The following C10orf90 variants were observed in gnomAD, a reference collection of about 807,000 sequenced individuals.
C10orf90 encodes chromosome 10 open reading frame 90.
A neutral mutation model predicts 62.5 loss-of-function variants in C10orf90; 56 were observed. That is an observed-to-expected ratio of 0.90 (90% CI 0.72 to 1.12). C10orf90 has a LOEUF of 1.12. Among genes scored for constraint, C10orf90 ranks in the 50% most tolerant of loss-of-function variants. C10orf90 has a pLI of 0.00. For synonymous variants in C10orf90, 386 were observed against 340.4 expected (o/e 1.13, Z -1.47); for missense variants, 970 against 880.4 (o/e 1.10, Z -1.29).
chr10:126,607,310 G>C (rs944952289), intron 2 of C10orf90, among the ~76,000 whole-genome samples: 3 of 152,184 alleles, frequency 2.0e-5, no homozygotes, highest in African/African-American at 7.2e-5. Flanking sequence ...GTGATGCGTT[G>C]GCTGTGTTGA....
intron 2 of C10orf90, among the ~76,000 whole-genome samples, chr10:126,619,832 G>T (rs368008870): frequency 1.3e-5 from 2 of 152,102 alleles, no homozygotes; most frequent in South Asian, 4.2e-4. Flanking sequence ...GTAGAGACGG[G>T]GTTTTGCCAT....
At chr10:126,490,056 T>TA (rs1861668713) in intron 4 of C10orf90, among the ~76,000 whole-genome samples, 1 of 80,408 alleles carries the variant, frequency 1.2e-5, no homozygotes, top group African/African-American at 4.6e-5. Flanking sequence ...TATATTATGT[T>TA]ATATAATATA....
chr10:126,585,302 A>C (rs1223233576), intron 2 of C10orf90, among the ~76,000 whole-genome samples: 2 of 131,986 alleles, frequency 1.5e-5, no homozygotes, highest in African/African-American at 5.7e-5. Flanking sequence ...CAAGCAAGCA[A>C]GCAGAGGGAG....
chr10:126,565,092 T>TTA (rs754441387), intron 2 of C10orf90, among the ~76,000 whole-genome samples: 370 of 11,538 alleles, frequency 0.032, 90 homozygotes, highest in Non-Finnish European at 0.043. Context: ...AAAATATATA[T>TTA]TATATAATAT....
At chr10:126,498,132 G>T (rs1429773252) in intron 4 of C10orf90, among the ~76,000 whole-genome samples, 1 of 152,204 alleles carries the variant, frequency 6.6e-6, no homozygotes, top group Non-Finnish European at 1.5e-5. Context: ...CCACCAGCCA[G>T]CAGCAGAAAG....
intron 7 of C10orf90, among the ~76,000 whole-genome samples, chr10:126,432,318 A>G (rs934153807): frequency 3.3e-5 from 5 of 152,208 alleles, no homozygotes; most frequent in Non-Finnish European, 5.9e-5. Context: ...TCCATTTCCC[A>G]TGAGACCAAT....
intron 2 of C10orf90, among the ~76,000 whole-genome samples, chr10:126,579,179 C>T (rs7086861): frequency 0.024 from 3,661 of 152,104 alleles, 140 homozygotes; most frequent in African/African-American, 0.082. Flanking sequence ...GCAGGGGCCA[C>T]CAGGTCAGCC....
chr10:126,637,100 T>C (rs1845966901), intron 2 of C10orf90, among the ~76,000 whole-genome samples: 1 of 152,190 alleles, frequency 6.6e-6, no homozygotes, highest in Admixed American at 6.5e-5. Context: ...AAATAATGCA[T>C]AAGCCCAACT....
chr10:126,515,504 G>A (rs1034355006), intron 2 of C10orf90, among the ~76,000 whole-genome samples: 6 of 152,218 alleles, frequency 3.9e-5, no homozygotes, highest in African/African-American at 7.2e-5. Context: ...ACAGTATTCA[G>A]CACAGTCACA....
chr10:126,464,520 G>A lies in C10orf90; in HGVS notation c.1825+176C>T, dbSNP rs1860169726. Reference sequence around the variant, plus strand: ...CGACCCACATAGGGCTGCCTCCTGGGTGCTTGGGAGCTTCCTACTTGGCAA... The same window carrying A: ...CGACCCACATAGGGCTGCCTCCTGGATGCTTGGGAGCTTCCTACTTGGCAA... On this transcript the variant is annotated intron_variant, in intron 5 of 9. Coordinates refer to ENST00000488181, the MANE Select transcript of C10orf90 (RefSeq NM_001350921.2). Among the ~76,000 whole-genome samples the A allele has an allele frequency of 2.6e-5, 4 of 152,302 alleles. No homozygotes were observed. In the South Asian group the frequency reaches 8.3e-4, roughly 32 times the overall value.
rs7079560 is a variant in C10orf90, at chr10:126,644,567, A to G, written c.313+1998T>C. ...GACTAAAAAAAGAGATACAAAGCCA[A>G]GAGCTCTGTCTCCCTCCCAACCCAG... On this transcript the variant is annotated intron_variant, in intron 2 of 9. Coordinates refer to ENST00000488181, the MANE Select transcript of C10orf90 (RefSeq NM_001350921.2). 3.4e-3 allele frequency among the ~76,000 whole-genome samples: 518 copies of G among 152,332 alleles called. 3 individuals carry two copies. The highest frequency in any genetic ancestry group is 0.012 in the African/African-American group (506 of 41,576).
At chr10:126,529,083 G>A (rs1200427461) in intron 2 of C10orf90, among the ~76,000 whole-genome samples, 1 of 152,154 alleles carries the variant, frequency 6.6e-6, no homozygotes, top group Non-Finnish European at 1.5e-5. Flanking sequence ...ATAATGAGGT[G>A]AGACTATCTG....
chr10:126,445,077 A>G (rs1858666745), intron 7 of C10orf90, among the ~76,000 whole-genome samples: 1 of 152,146 alleles, frequency 6.6e-6, no homozygotes, highest in African/African-American at 2.4e-5. Flanking sequence ...AGAAGATAAC[A>G]CTGGAAAAAC....
At chr10:126,657,337 G>A (rs1846414532) in intron 1 of C10orf90, among the ~76,000 whole-genome samples, 1 of 152,090 alleles carries the variant, frequency 6.6e-6, no homozygotes, top group Non-Finnish European at 1.5e-5. Flanking sequence ...CAGCCCCTGG[G>A]GGCCTCTATT....
rs867441394 is a variant in C10orf90 at position 126,639,631 on chromosome 10, A to G, written c.313+6934T>C. ...GTCTGATTTCCTCACATCTGGATGA[A>G]GTCTTGTTGCCAACTGCCTTGGTAC... On this transcript the variant is annotated intron_variant, in intron 2 of 9. Transcript: ENST00000488181. Among the ~76,000 whole-genome samples the G allele has an allele frequency of 5.3e-4, 80 of 152,210 alleles. 2 individuals carry two copies. Among genetic ancestry groups the G allele is most frequent in the Admixed American group, 2.0e-4 (3 of 15,290 alleles).
At chr10:126,535,356 A>T (rs570576845) in intron 2 of C10orf90, among the ~76,000 whole-genome samples, 1 of 151,898 alleles carries the variant, frequency 6.6e-6, no homozygotes, top group Admixed American at 6.6e-5. Flanking sequence ...TGTCTACTAA[A>T]AGTACAAAAA....
chr10:126,434,573 A>T (rs967290183), intron 7 of C10orf90, among the ~76,000 whole-genome samples: 1 of 152,210 alleles, frequency 6.6e-6, no homozygotes, highest in African/African-American at 2.4e-5. Context: ...CAAAACCAAG[A>T]GATACCCGTT....
intron 2 of C10orf90, chr10:126,524,715 G>A (rs4147066): frequency 0.86 from 844,112 of 985,670 alleles, 361,809 homozygotes; most frequent in African/African-American, 0.97. Flanking sequence ...CCTCATCCGC[G>A]AGGCAAGGAG....
chr10:126,590,746 T>A (rs1176131282), intron 2 of C10orf90, among the ~76,000 whole-genome samples: 1 of 151,538 alleles, frequency 6.6e-6, no homozygotes, highest in Non-Finnish European at 1.5e-5. Flanking sequence ...AGATCTCAAA[T>A]CAACAACCTA....
Sources: gnomAD v4.1 joint callset for allele counts (sites outside exome capture counted in the v4.1 genomes callset) on GRCh38, gnomAD v4.1.1 for gene constraint, MANE v1.5 for transcripts, NCBI Gene and HGNC (gene_info 2026-07-23, HGNC 2026-07-21) for gene names.